Variants in PLD5 observed in about 807,000 individuals in gnomAD.
The protein encoded by PLD5 is inactive phospholipase D5.
Under a neutral mutation model 61.1 loss-of-function variants are expected in PLD5, and 36 were observed. The ratio of observed to expected loss-of-function variants is 0.59; its 90% CI spans 0.45 to 0.78. The LOEUF is 0.78. PLD5 is among the 30% of genes least tolerant of loss of function. The probability of loss-of-function intolerance (pLI) is 0.00; values close to 1 mark genes in which losing one functional copy is unlikely to be tolerated. For missense variants in PLD5, 515 were observed against 644.4 expected, an observed-to-expected ratio of 0.80 and a Z score of 2.17; for synonymous variants, 243 against 242.8, an observed-to-expected ratio of 1.00 and a Z score of -0.01.
At chr1:242,111,962 C>T (rs10926620) in intron 7 of PLD5, among the ~76,000 whole-genome samples, 20,511 of 151,996 alleles carry the variant, frequency 0.13, 1,581 homozygotes, top group East Asian at 0.25. Context: ...TTAGATCCTC[C>T]GTGCTAATTA....
intron 3 of PLD5, among the ~76,000 whole-genome samples, chr1:242,273,627 C>A (rs1674241307): frequency 6.6e-6 from 1 of 152,202 alleles, no homozygotes; most frequent in Non-Finnish European, 1.5e-5. Flanking sequence ...ATCTGAATCT[C>A]TGGAGCCTGT....
At chr1:242,337,626 C>T (rs996023243) in intron 2 of PLD5, among the ~76,000 whole-genome samples, 2 of 152,130 alleles carry the variant, frequency 1.3e-5, no homozygotes, top group African/African-American at 4.8e-5. Flanking sequence ...AGCAAAACAC[C>T]GTCTCAAATA....
At chr1:242,372,306 G>A (rs964781098) in intron 1 of PLD5, among the ~76,000 whole-genome samples, 1 of 152,282 alleles carries the variant, frequency 6.6e-6, no homozygotes, top group Middle Eastern at 3.4e-3. Flanking sequence ...GTGGAGCCAG[G>A]TAGAGTGTAA....
At chr1:242,356,244 G>T (rs1252812264) in intron 1 of PLD5, among the ~76,000 whole-genome samples, 1 of 151,942 alleles carries the variant, frequency 6.6e-6, no homozygotes, top group Non-Finnish European at 1.5e-5. Context: ...TATAGATTCA[G>T]GTGCTACACT....
chr1:242,451,438 A>G (rs1211442375), intron 1 of PLD5, among the ~76,000 whole-genome samples: 1 of 145,400 alleles, frequency 6.9e-6, no homozygotes, highest in Non-Finnish European at 1.5e-5. Context: ...GATTGTAAAC[A>G]TGTTATTCCT....
intron 5 of PLD5, among the ~76,000 whole-genome samples, chr1:242,186,181 TAC>T (rs1297432877): frequency 1.5e-4 from 16 of 103,238 alleles, no homozygotes; most frequent in Middle Eastern, 6.1e-3. Context: ...TATATATATA[TAC>T]TTTTTTTTTT....
intron 3 of PLD5, among the ~76,000 whole-genome samples, chr1:242,268,370 GT>G: frequency 6.6e-6 from 1 of 152,106 alleles, no homozygotes; most frequent in African/African-American, 2.4e-5. Flanking sequence ...TATTTTTTTA[GT>G]TAACAGAATA....
At chr1:242,464,002 A>C (rs1667200677) in intron 1 of PLD5, among the ~76,000 whole-genome samples, 1 of 152,112 alleles carries the variant, frequency 6.6e-6, no homozygotes, top group African/African-American at 2.4e-5. Flanking sequence ...GACATTGCTC[A>C]CATTAAGGTT....
chr1:242,528,617 C>T (rs1469978130), upstream of PLD5, among the ~76,000 whole-genome samples: 1 of 152,164 alleles, frequency 6.6e-6, no homozygotes, highest in Non-Finnish European at 1.5e-5. Context: ...ACAATAGTTA[C>T]ATCTGTAGCA....
intron 1 of PLD5, chr1:242,377,231 A>G: frequency 6.2e-7 from 1 of 1,611,362 alleles, no homozygotes; most frequent in Non-Finnish European, 8.5e-7. Flanking sequence ...AGGAAGAACC[A>G]TCCGATTTGT....
rs144245736 is a variant in PLD5 at position 242,461,388 on chromosome 1, C to T, written c.189+62700G>A. ...TCTGTTGGAGGTGTATTATAGTATG[C>T]CGTAGCTGGTTCTCTAAGTCACAGG... On this transcript the variant is annotated intron_variant, in intron 1 of 9. Transcript: ENST00000536534. Among the ~76,000 whole-genome samples, 67 of 152,196 alleles carry T rather than the reference C, an allele frequency of 4.4e-4. 1 individual carries two copies. Among genetic ancestry groups the T allele is most frequent in the African/African-American group, 1.5e-3 (64 of 41,520 alleles).
At chr1:242,412,227 G>C (rs2149289877) in intron 1 of PLD5, among the ~76,000 whole-genome samples, 1 of 152,288 alleles carries the variant, frequency 6.6e-6, no homozygotes, top group Middle Eastern at 3.4e-3. Context: ...AGTAAGGGAG[G>C]GGGCATAATG....
chr1:242,513,458 T>C (rs1302826766), intron 1 of PLD5, among the ~76,000 whole-genome samples: 2 of 152,170 alleles, frequency 1.3e-5, no homozygotes, highest in African/African-American at 4.8e-5. Flanking sequence ...AAAACAGTAT[T>C]GTTAAGGGTT....
intron 1 of PLD5, among the ~76,000 whole-genome samples, chr1:242,476,184 G>A (rs112867990): frequency 0.043 from 6,583 of 152,050 alleles, 225 homozygotes; most frequent in Middle Eastern, 0.061. Flanking sequence ...GTGAAACCCC[G>A]TCTCTACTAA....
intron 5 of PLD5, among the ~76,000 whole-genome samples, chr1:242,143,031 T>TC (rs1491101031): frequency 4.0e-5 from 6 of 150,194 alleles, no homozygotes; most frequent in Non-Finnish European, 7.4e-5. Flanking sequence ...TTTTTTTTTT[T>TC]CTCTCTCTCT....
chr1:242,273,568 C>T (rs1302790301), intron 3 of PLD5, among the ~76,000 whole-genome samples: 1 of 152,102 alleles, frequency 6.6e-6, no homozygotes, highest in Non-Finnish European at 1.5e-5. Context: ...ATGGGGGAAC[C>T]TTAATCAGGC....
Position 242,296,886 on chromosome 1 carries a change from ATTAT to A in PLD5, c.327-8360_327-8357del, listed in dbSNP as rs776318547. The stretch of plus-strand genomic sequence containing the variant: ...AGGTGTACGCCACTAGGCCCAGCTA[ATTAT>A]TTATTTATTTACTGTTGTAGAGATG... On this transcript the variant is annotated intron_variant, in intron 2 of 9. Coordinates refer to ENST00000536534, the MANE Select transcript of PLD5 (RefSeq NM_001372062.1). Among the ~76,000 whole-genome samples the A allele has an allele frequency of 1.5e-4, 23 of 150,812 alleles. No homozygotes were observed. The East Asian group carries it at 3.1e-3, about 20-fold the overall frequency.
chr1:242,328,494 T>G (rs1207612278), intron 2 of PLD5, among the ~76,000 whole-genome samples: 1 of 152,202 alleles, frequency 6.6e-6, no homozygotes, highest in Non-Finnish European at 1.5e-5. Context: ...ATTTATGTGT[T>G]CTACATATGT....
chr1:242,212,846 G>A (rs1263513922), intron 5 of PLD5, among the ~76,000 whole-genome samples: 1 of 152,160 alleles, frequency 6.6e-6, no homozygotes, highest in Admixed American at 6.5e-5. Context: ...AATGGCCACC[G>A]TTATCTCTCT....
Sources: allele counts gnomAD v4.1 joint callset (sites outside exome capture counted in the v4.1 genomes callset), GRCh38; gene constraint gnomAD v4.1.1; transcripts MANE v1.5; gene names NCBI Gene and HGNC (gene_info 2026-07-23, HGNC 2026-07-21).